Variants in SLX4IP observed in about 807,000 individuals in gnomAD.
SLX4IP encodes SLX4 interacting protein.
SLX4IP carries 34 observed loss-of-function variants against 32.9 expected under a neutral mutation model. The observed-to-expected ratio is 1.03, with a 90% CI of 0.79 to 1.38. The LOEUF (loss-of-function observed/expected upper bound fraction) is 1.38, where lower values mean the gene tolerates loss of function less well. SLX4IP is among the 40% of genes most tolerant of loss of function. The pLI, the probability that SLX4IP is intolerant of heterozygous loss-of-function variation, is 0.00. For missense variants in SLX4IP, 444 were observed against 479.0 expected, an observed-to-expected ratio of 0.93 and a Z score of 0.68; for synonymous variants, 172 against 171.7, an observed-to-expected ratio of 1.00 and a Z score of -0.01.
intron 4 of SLX4IP, among the ~76,000 whole-genome samples, chr20:10,590,914 G>A (rs746254949): frequency 6.6e-6 from 1 of 152,166 alleles, no homozygotes; most frequent in Non-Finnish European, 1.5e-5. Flanking sequence ...ATAAAGCTAC[G>A]TTGGCTCTCA....
intron 2 of SLX4IP, among the ~76,000 whole-genome samples, chr20:10,535,126 G>C (rs756401596): frequency 1.3e-5 from 2 of 152,100 alleles, no homozygotes; most frequent in Admixed American, 6.5e-5. Flanking sequence ...GCAGGAGAGA[G>C]ACCAGGGAAG....
At chr20:10,463,286 T>C (rs973142417) in intron 2 of SLX4IP, among the ~76,000 whole-genome samples, 2 of 152,202 alleles carry the variant, frequency 1.3e-5, no homozygotes, top group African/African-American at 4.8e-5. Context: ...GTTGCATTCT[T>C]TAGTCTTCTC....
intron 4 of SLX4IP, among the ~76,000 whole-genome samples, chr20:10,564,783 T>C (rs908665142): frequency 1.6e-4 from 24 of 152,214 alleles, no homozygotes; most frequent in Non-Finnish European, 2.8e-4. Context: ...TCAGTATCAG[T>C]AAAAATTAAT....
rs78454024 is a variant in SLX4IP at position 10,516,760 on chromosome 20, G to A, written c.28-39471G>A. Among the ~76,000 whole-genome samples, 382 of 152,288 alleles carry A rather than the reference G, an allele frequency of 2.5e-3. 2 individuals are homozygous for A. Among genetic ancestry groups the A allele is most frequent in the African/African-American group, 7.4e-3 (308 of 41,570 alleles). On this transcript the variant is annotated intron_variant, in intron 2 of 7. Transcript: ENST00000334534. The stretch of plus-strand genomic sequence containing the variant: ...GCATCAGCAAAGAAAATTTCAAAGT[G>A]GGTTAGGTTGTCTCCATTGGCTTTT...
At chr20:10,509,244 A>T (rs181328758) in intron 2 of SLX4IP, among the ~76,000 whole-genome samples, 125 of 152,284 alleles carry the variant, frequency 8.2e-4, no homozygotes, top group African/African-American at 2.9e-3. Flanking sequence ...GGGTCTTTCA[A>T]TTATTTCTGT....
intron 2 of SLX4IP, among the ~76,000 whole-genome samples, chr20:10,526,678 C>T (rs200907463): frequency 3.3e-5 from 5 of 152,142 alleles, no homozygotes; most frequent in Admixed American, 2.6e-4. Flanking sequence ...AGGCTGGGCA[C>T]GGTGGCTCAT....
chr20:10,470,979 C>A (rs1434883057), intron 2 of SLX4IP, among the ~76,000 whole-genome samples: 1 of 151,960 alleles, frequency 6.6e-6, no homozygotes, highest in East Asian at 1.9e-4. Flanking sequence ...ATTTTATTAC[C>A]CCTTTGAGCA....
intron 2 of SLX4IP, among the ~76,000 whole-genome samples, chr20:10,493,141 T>A (rs556500244): frequency 4.6e-5 from 7 of 152,236 alleles, no homozygotes; most frequent in Admixed American, 3.9e-4. Context: ...TCTTTCTACT[T>A]TTTTCTTTTT....
intron 2 of SLX4IP, among the ~76,000 whole-genome samples, chr20:10,513,800 A>G (rs2065829669): frequency 6.6e-6 from 1 of 152,156 alleles, no homozygotes; most frequent in Non-Finnish European, 1.5e-5. Flanking sequence ...TCTGCCTGGC[A>G]CTTAAGATGT....
chr20:10,466,904 C>T (rs2065385411), intron 2 of SLX4IP, among the ~76,000 whole-genome samples: 1 of 151,530 alleles, frequency 6.6e-6, no homozygotes, highest in Non-Finnish European at 1.5e-5. Context: ...TTTTTCTTTC[C>T]ACTCTTTCAG....
At chr20:10,576,404 T>C (rs139325788) in intron 4 of SLX4IP, among the ~76,000 whole-genome samples, 2,377 of 152,298 alleles carry the variant, frequency 0.016, 58 homozygotes, top group African/African-American at 0.052. Flanking sequence ...CCTAATTGTA[T>C]AGCTTGTTTA....
intron 1 of SLX4IP, among the ~76,000 whole-genome samples, chr20:10,441,432 G>A (rs894852665): frequency 1.3e-5 from 2 of 152,096 alleles, no homozygotes; most frequent in African/African-American, 4.8e-5. Context: ...CCGAGACCCT[G>A]TCTCTAAACA....
Position 10,518,439 on chromosome 20 carries a change from C to CT in SLX4IP, c.28-37790dup, listed in dbSNP as rs1568720015. On this transcript the variant is annotated intron_variant, in intron 2 of 7. Transcript: ENST00000334534. ...TCCTTCCTTCCCTCCCTCCCTCCTT[C>CT]TTCCTTCCTTCCTTCCTTCCTTCCT... Among the ~76,000 whole-genome samples the CT allele has an allele frequency of 4.4e-3, 252 of 57,252 alleles. 4 individuals carry two copies. Among genetic ancestry groups the CT allele is most frequent in the Non-Finnish European group, 6.6e-3 (168 of 25,372 alleles). 37.6% of individuals were successfully genotyped at this position (57,252 alleles called of 152,430 possible). A position where few individuals can be genotyped will look rare whatever the true frequency, so the allele number is the denominator to read the frequency against.
At chr20:10,487,995 A>G (rs1193144754) in intron 2 of SLX4IP, among the ~76,000 whole-genome samples, 1 of 152,146 alleles carries the variant, frequency 6.6e-6, no homozygotes, top group Non-Finnish European at 1.5e-5. Context: ...TGACTTTGTA[A>G]GTAGGACCTA....
intron 2 of SLX4IP, among the ~76,000 whole-genome samples, chr20:10,508,698 C>T (rs1264309515): frequency 6.6e-6 from 1 of 152,312 alleles, no homozygotes; most frequent in South Asian, 2.1e-4. Flanking sequence ...TACTGGTTCT[C>T]CTTCTCCGTG....
rs1017618226 is a variant in SLX4IP at position 10,497,308 on chromosome 20, A to G, written c.27+39077A>G. ...GTGAATATTTTGAAGGCACTCTTCCATTTTCTGTAGATGAGACATCTGCCA... is the reference window on the plus strand; with the variant it reads ...GTGAATATTTTGAAGGCACTCTTCCGTTTTCTGTAGATGAGACATCTGCCA... On this transcript the variant is annotated intron_variant, in intron 2 of 7. Coordinates refer to ENST00000334534, the MANE Select transcript of SLX4IP (RefSeq NM_001009608.3). Among the ~76,000 whole-genome samples, 3 of 152,236 alleles carry G rather than the reference A, an allele frequency of 2.0e-5. No homozygotes were observed. The South Asian group carries it at 6.2e-4, about 32-fold the overall frequency.
intron 2 of SLX4IP, among the ~76,000 whole-genome samples, chr20:10,541,160 T>C (rs994022544): frequency 6.6e-6 from 1 of 152,222 alleles, no homozygotes; most frequent in Non-Finnish European, 1.5e-5. Flanking sequence ...TCAGTAACAG[T>C]TTTTATTGCT....
At chr20:10,569,695 C>T (rs1014502994) in intron 4 of SLX4IP, among the ~76,000 whole-genome samples, 3 of 152,102 alleles carry the variant, frequency 2.0e-5, no homozygotes, top group African/African-American at 7.2e-5. Context: ...GCCTGTGTCT[C>T]CTCTTATCTA....
At chr20:10,531,725 A>G (rs761306575) in intron 2 of SLX4IP, among the ~76,000 whole-genome samples, 3 of 152,182 alleles carry the variant, frequency 2.0e-5, no homozygotes, top group Non-Finnish European at 4.4e-5. Flanking sequence ...GTTCCTGCTT[A>G]AATAGGATGG....
Sources: gnomAD v4.1 joint callset for allele counts (sites outside exome capture counted in the v4.1 genomes callset) on GRCh38, gnomAD v4.1.1 for gene constraint, MANE v1.5 for transcripts, NCBI Gene and HGNC (gene_info 2026-07-23, HGNC 2026-07-21) for gene names.